Variants in TENM3 observed in about 807,000 individuals in gnomAD.
TENM3 encodes teneurin-3.
In TENM3, 63 loss-of-function variants were observed where a neutral mutation model predicts 255.1. The ratio of observed to expected loss-of-function variants is 0.25; its 90% CI spans 0.20 to 0.30. The LOEUF is 0.30. Ranked by LOEUF, TENM3 falls within the 10% of genes least tolerant of loss-of-function variation. TENM3 has a pLI of 1.00. For missense variants in TENM3, 2,929 were observed against 3,461.1 expected (o/e 0.85, Z 3.86); for synonymous variants, 1,306 against 1,322.3 (o/e 0.99, Z 0.27).
intron 3 of TENM3, among the ~76,000 whole-genome samples, chr4:182,445,752 G>A (rs1462453262): frequency 6.6e-6 from 1 of 152,046 alleles, no homozygotes; most frequent in Non-Finnish European, 1.5e-5. Context: ...AATATTCCAA[G>A]TATGATTCCA....
In TENM3 at chr4:182,228,392, G is replaced by GTGTGTGTGTGTGTATA. The variant is rs139457090; in HGVS notation, c.-76+83639_-76+83640insGTGTGTGTGTGTATAT. On this transcript the variant is annotated intron_variant, in intron 1 of 2. Transcript: ENST00000512480. ...TGTGTGTGTGTGTGTGTGTGTGTGT[G>GTGTGTGTGTGTGTATA]TATATGTAATCCCTCCCAGCTCTAA... Among the ~76,000 whole-genome samples, 5 of 104,518 alleles carry GTGTGTGTGTGTGTATA rather than the reference G, an allele frequency of 4.8e-5. 1 individual carries two copies. Among genetic ancestry groups the GTGTGTGTGTGTGTATA allele is most frequent in the African/African-American group, 2.2e-4 (5 of 22,474 alleles). The allele number at this position is 104,518 out of a possible 152,430, so 68.6% of individuals were successfully genotyped here.
At chr4:182,275,619 A>G (rs1319545468) in intron 1 of TENM3, among the ~76,000 whole-genome samples, 1 of 152,038 alleles carries the variant, frequency 6.6e-6, no homozygotes, top group African/African-American at 2.4e-5. Flanking sequence ...AGAGCATAGT[A>G]AGTACTCTTT....
intron 24 of TENM3, among the ~76,000 whole-genome samples, chr4:182,777,541 G>GTGTGTGTGTGTGTGTA: frequency 9.4e-6 from 1 of 106,410 alleles, no homozygotes; most frequent in East Asian, 3.1e-4. Context: ...GTGTGTGTGT[G>GTGTGTGTGTGTGTGTA]TATTTCTTTT....
intron 9 of TENM3, 72 bp from the exon 10 acceptor site, chr4:182,680,471 C>G (rs560622681): frequency 7.7e-6 from 12 of 1,554,986 alleles, no homozygotes; most frequent in Non-Finnish European, 1.1e-5. Flanking sequence ...CTTGTTCCAG[C>G]GATGTGTCTT....
At chr4:182,424,834 A>G (rs1771087836) in intron 3 of TENM3, among the ~76,000 whole-genome samples, 1 of 152,164 alleles carries the variant, frequency 6.6e-6, no homozygotes, top group Admixed American at 6.5e-5. Flanking sequence ...GTAGAGAAAA[A>G]TGCTGTTTTT....
chr4:181,576,486 T>C, the TENM3 span, among the ~76,000 whole-genome samples: 1 of 152,150 alleles, frequency 6.6e-6, no homozygotes, highest in Non-Finnish European at 1.5e-5. Context: ...TCTAGTCCCT[T>C]GGGAAACCTC....
the TENM3 span, among the ~76,000 whole-genome samples, chr4:182,012,481 G>T: frequency 6.6e-6 from 1 of 152,164 alleles, no homozygotes; most frequent in Non-Finnish European, 1.5e-5. Flanking sequence ...AAGAACGCCG[G>T]AATTGTCTGA....
chr4:181,845,826 G>A, the TENM3 span, among the ~76,000 whole-genome samples: 15 of 152,150 alleles, frequency 9.9e-5, no homozygotes, highest in Non-Finnish European at 1.8e-4. Flanking sequence ...AGGTTACAGC[G>A]GGTGTTCCTG....
chr4:182,559,127 ATTTTTTTTTTTTT>A (rs70956518), intron 3 of TENM3, among the ~76,000 whole-genome samples: 8 of 107,476 alleles, frequency 7.4e-5, no homozygotes, highest in African/African-American at 3.1e-4. Context: ...ATTCCTCGGG[ATTTTTTTTTTTTT>A]TTTTTTTTTT....
At chr4:182,685,595 A>C (rs934940884) in intron 11 of TENM3, among the ~76,000 whole-genome samples, 2 of 152,162 alleles carry the variant, frequency 1.3e-5, no homozygotes, top group South Asian at 4.1e-4. Context: ...TACCTACACT[A>C]AAAAACCCTT....
At chr4:181,768,394 A>C in the TENM3 span, among the ~76,000 whole-genome samples, 3 of 151,844 alleles carry the variant, frequency 2.0e-5, no homozygotes, top group South Asian at 2.1e-4. Flanking sequence ...AGGCTGAAAA[A>C]CTCTGCTTTA....
the TENM3 span, among the ~76,000 whole-genome samples, chr4:181,739,106 C>G: frequency 6.6e-6 from 1 of 152,198 alleles, no homozygotes; most frequent in East Asian, 1.9e-4. Context: ...CATATTCAGT[C>G]AGAAGCTAGC....
chr4:182,431,889 C>A (rs1355170054), intron 3 of TENM3, among the ~76,000 whole-genome samples: 1 of 151,902 alleles, frequency 6.6e-6, no homozygotes, highest in Non-Finnish European at 1.5e-5. Flanking sequence ...CCAGTCTGGG[C>A]AACATGGTGA....
At chr4:182,176,376 A>T (rs1444361538) in intron 1 of TENM3, among the ~76,000 whole-genome samples, 1 of 152,132 alleles carries the variant, frequency 6.6e-6, no homozygotes, top group African/African-American at 2.4e-5. Flanking sequence ...AAAGGAGATG[A>T]TAATGTTGCT....
the TENM3 span, among the ~76,000 whole-genome samples, chr4:181,622,524 A>G: frequency 1.3e-5 from 2 of 151,958 alleles, no homozygotes; most frequent in Non-Finnish European, 2.9e-5. Flanking sequence ...AAAAATACAA[A>G]AATTAGCCGA....
the TENM3 span, among the ~76,000 whole-genome samples, chr4:181,741,448 A>C: frequency 1.3e-5 from 2 of 152,130 alleles, no homozygotes; most frequent in African/African-American, 2.4e-5. Flanking sequence ...CATTAGTCTC[A>C]TATCTGTAGA....
At chr4:182,328,774 C>T (rs1763579588) in intron 2 of TENM3, among the ~76,000 whole-genome samples, 1 of 152,092 alleles carries the variant, frequency 6.6e-6, no homozygotes, top group African/African-American at 2.4e-5. Context: ...CTCCCAGCCC[C>T]CAGAAGCATG....
At chr4:181,732,355 T>C in the TENM3 span, among the ~76,000 whole-genome samples, 1 of 152,216 alleles carries the variant, frequency 6.6e-6, no homozygotes, top group African/African-American at 2.4e-5. Flanking sequence ...AACATCCCTC[T>C]ACTAACTTGA....
At chr4:182,767,559 C>T (rs540163276) in intron 22 of TENM3, among the ~76,000 whole-genome samples, 3 of 152,032 alleles carry the variant, frequency 2.0e-5, no homozygotes, top group Non-Finnish European at 4.4e-5. Flanking sequence ...AAGATTCTCC[C>T]TCTGTATAAA....
Sources: gnomAD v4.1 joint callset for allele counts (sites outside exome capture counted in the v4.1 genomes callset) on GRCh38, gnomAD v4.1.1 for gene constraint, MANE v1.5 for transcripts, NCBI Gene and HGNC (gene_info 2026-07-23, HGNC 2026-07-21) for gene names.